Variants in ASIC2 observed in about 807,000 individuals in gnomAD.
ASIC2 encodes acid sensing ion channel subunit 2, also known as acid-sensing ion channel 2.
In ASIC2, 25 loss-of-function variants were observed where a neutral mutation model predicts 57.3. The ratio of observed to expected loss-of-function variants is 0.44; its 90% CI spans 0.32 to 0.61. ASIC2 has a LOEUF of 0.61. ASIC2 is among the 20% of genes least tolerant of loss of function. ASIC2 has a pLI of 0.06. For missense variants in ASIC2, 641 were observed against 738.1 expected (o/e 0.87, Z 1.52); for synonymous variants, 319 against 307.5 (o/e 1.04, Z -0.39).
At chr17:33,724,533 G>A (rs186060173) in intron 1 of ASIC2, among the ~76,000 whole-genome samples, 4 of 152,300 alleles carry the variant, frequency 2.6e-5, no homozygotes, top group African/African-American at 4.8e-5. Flanking sequence ...GTGAAGGAGC[G>A]GAGGAGGGAT....
intron 1 of ASIC2, among the ~76,000 whole-genome samples, chr17:33,379,546 T>G (rs1470645606): frequency 1.3e-5 from 2 of 152,188 alleles, no homozygotes; most frequent in Admixed American, 1.3e-4. Flanking sequence ...GGCTTCTGTT[T>G]CGCTCTTCAA....
At chr17:33,634,286 C>G (rs80190813) in intron 1 of ASIC2, among the ~76,000 whole-genome samples, 8,089 of 152,260 alleles carry the variant, frequency 0.053, 271 homozygotes, top group Non-Finnish European at 0.083. Context: ...CAACCTCCCC[C>G]CTTCAGGTCT....
At chr17:33,623,872 G>A (rs1905892205) in intron 1 of ASIC2, among the ~76,000 whole-genome samples, 1 of 152,060 alleles carries the variant, frequency 6.6e-6, no homozygotes, top group South Asian at 2.1e-4. Flanking sequence ...TGGAATCCAA[G>A]GCTCCAGCCC....
At chr17:33,813,909 T>C (rs569136956) in intron 1 of ASIC2, among the ~76,000 whole-genome samples, 23 of 152,246 alleles carry the variant, frequency 1.5e-4, no homozygotes, top group Admixed American at 1.3e-3. Context: ...TGAGGTTGAA[T>C]GGTTGGTAGA....
intron 1 of ASIC2, among the ~76,000 whole-genome samples, chr17:33,614,453 G>T (rs1178042546): frequency 6.6e-6 from 1 of 152,188 alleles, no homozygotes; most frequent in Non-Finnish European, 1.5e-5. Context: ...TGCACAGCCA[G>T]ATCTGTGAGT....
At chr17:33,459,356 G>T (rs1436187791) in intron 1 of ASIC2, among the ~76,000 whole-genome samples, 1 of 152,130 alleles carries the variant, frequency 6.6e-6, no homozygotes, top group Non-Finnish European at 1.5e-5. Context: ...CCCAGGAGAC[G>T]CGTGCAGGAT....
intron 1 of ASIC2, among the ~76,000 whole-genome samples, chr17:33,346,680 A>T (rs1291896480): frequency 6.6e-6 from 1 of 152,208 alleles, no homozygotes; most frequent in Non-Finnish European, 1.5e-5. Context: ...AGCTCAGATA[A>T]GAGATTAAAG....
At chr17:33,548,543 G>C (rs1257247641) in intron 1 of ASIC2, among the ~76,000 whole-genome samples, 1 of 152,198 alleles carries the variant, frequency 6.6e-6, no homozygotes, top group Non-Finnish European at 1.5e-5. Context: ...ATGCATTGTA[G>C]TGGGAGAGAG....
chr17:33,846,270 A>AACAGCCAAG (rs1286128377), intron 1 of ASIC2, among the ~76,000 whole-genome samples: 1 of 152,126 alleles, frequency 6.6e-6, no homozygotes, highest in Non-Finnish European at 1.5e-5. Context: ...GAGGAAATTC[A>AACAGCCAAG]GCTGACAGTA....
In ASIC2 at chr17:33,543,262, C is replaced by T. The variant is rs182403734; in HGVS notation, c.556-431195G>A. ...GTAACTAACCTGCACAATGTGCACA[C>T]GTACCCTAAAACTTAAAGTATAATA... On this transcript the variant is annotated intron_variant, in intron 1 of 9. Coordinates refer to the ASIC2 transcript ENST00000359872. Among the ~76,000 whole-genome samples the T allele has an allele frequency of 2.2e-3, 332 of 148,494 alleles. 1 individual carries two copies. Among genetic ancestry groups the T allele is most frequent in the African/African-American group, 7.6e-3 (302 of 39,874 alleles).
At chr17:33,454,670 C>T (rs544405829) in intron 1 of ASIC2, among the ~76,000 whole-genome samples, 1 of 152,244 alleles carries the variant, frequency 6.6e-6, no homozygotes, top group East Asian at 1.9e-4. Context: ...AACAACATAC[C>T]TTAGGCTGCA....
chr17:33,196,721 G>A (rs1434139311), intron 1 of ASIC2, among the ~76,000 whole-genome samples: 1 of 152,234 alleles, frequency 6.6e-6, no homozygotes. Flanking sequence ...TTGAGACAGA[G>A]AGGAACTGTG....
At chr17:33,071,703 A>T (rs2092070035) in intron 3 of ASIC2, among the ~76,000 whole-genome samples, 1 of 152,172 alleles carries the variant, frequency 6.6e-6, no homozygotes, top group Non-Finnish European at 1.5e-5. Context: ...TTTGTTCTGG[A>T]ACACATTTAA....
At chr17:33,799,439 T>TTTCTTTCTTTCTTTCTTTC (rs1912050897) in intron 1 of ASIC2, among the ~76,000 whole-genome samples, 11 of 59,044 alleles carry the variant, frequency 1.9e-4, no homozygotes, top group South Asian at 1.3e-3. Context: ...TCTTTCTTTC[T>TTTCTTTCTTTCTTTCTTTC]TTCTTTCTTT....
intron 1 of ASIC2, among the ~76,000 whole-genome samples, chr17:34,056,593 C>A (rs556619139): frequency 6.6e-6 from 1 of 152,242 alleles, no homozygotes; most frequent in Non-Finnish European, 1.5e-5. Context: ...AGTCCACAAC[C>A]AAATCAACCT....
At chr17:33,353,959 T>G (rs1376034523) in intron 1 of ASIC2, among the ~76,000 whole-genome samples, 2 of 152,200 alleles carry the variant, frequency 1.3e-5, no homozygotes, top group Non-Finnish European at 2.9e-5. Context: ...ATAGGTTTAA[T>G]GGACTCACAG....
chr17:34,096,466 G>T (rs1039825753), intron 1 of ASIC2, among the ~76,000 whole-genome samples: 89 of 152,252 alleles, frequency 5.8e-4, no homozygotes, highest in African/African-American at 1.9e-3. Flanking sequence ...AAAGGTGCCT[G>T]GATTTTAACC....
At chr17:33,998,956 G>A (rs1567782760) in intron 1 of ASIC2, among the ~76,000 whole-genome samples, 1 of 152,108 alleles carries the variant, frequency 6.6e-6, no homozygotes, top group Admixed American at 6.5e-5. Context: ...ATTTTTGAAA[G>A]TGGGATATTG....
chr17:33,188,005 G>A lies in ASIC2; in HGVS notation c.709-75938C>T, dbSNP rs751346259. ...AAATCAATCCACAGAAATAGACATCGAAATGACACAAATAATCAGTTTAGT... is the reference window on the plus strand; with the variant it reads ...AAATCAATCCACAGAAATAGACATCAAAATGACACAAATAATCAGTTTAGT... On this transcript the variant is annotated intron_variant, in intron 1 of 9. Coordinates refer to ENST00000225823, the MANE Select transcript of ASIC2 (RefSeq NM_183377.2). 7.6e-4 allele frequency among the ~76,000 whole-genome samples: 115 copies of A among 151,500 alleles called. 1 individual carries two copies. The highest frequency in any genetic ancestry group is 1.4e-3 in the Non-Finnish European group (97 of 67,880).
Sources: gnomAD v4.1 joint callset for allele counts (sites outside exome capture counted in the v4.1 genomes callset) on GRCh38, gnomAD v4.1.1 for gene constraint, MANE v1.5 for transcripts, NCBI Gene and HGNC (gene_info 2026-07-23, HGNC 2026-07-21) for gene names.